Variants in TPRA1 observed in about 807,000 individuals in gnomAD.
TPRA1 encodes the protein transmembrane protein adipocyte-associated 1.
Under a neutral mutation model 40.1 loss-of-function variants are expected in TPRA1, and 28 were observed. That is an observed-to-expected ratio of 0.70 (90% CI 0.52 to 0.96). The LOEUF is 0.96. TPRA1 is among the 40% of genes least tolerant of loss of function. The pLI is 0.00. For missense variants in TPRA1, 441 were observed against 482.6 expected (o/e 0.91, Z 0.81); for synonymous variants, 219 against 209.7 (o/e 1.04, Z -0.38).
At chr3:127,597,599 C>T (rs2074257027) in intron 1 of TPRA1, among the ~76,000 whole-genome samples, 1 of 152,208 alleles carries the variant, frequency 6.6e-6, no homozygotes, top group South Asian at 2.1e-4. Flanking sequence ...CAGCTTTGCA[C>T]ATGGCATCCT....
chr3:127,584,220 A>T (rs2073926488), intron 1 of TPRA1, among the ~76,000 whole-genome samples: 1 of 151,236 alleles, frequency 6.6e-6, no homozygotes, highest in Non-Finnish European at 1.5e-5. Context: ...TGGGAGGATC[A>T]CTTGAGCCCA....
intron 1 of TPRA1, among the ~76,000 whole-genome samples, chr3:127,581,159 G>T (rs2073819098): frequency 6.6e-6 from 1 of 152,210 alleles, no homozygotes; most frequent in Admixed American, 6.5e-5. Context: ...GTGTGGCCTG[G>T]GGCACCAGAA....
At chr3:127,589,730 C>T (rs190192201) in intron 1 of TPRA1, among the ~76,000 whole-genome samples, 1 of 152,218 alleles carries the variant, frequency 6.6e-6, no homozygotes, top group Admixed American at 6.5e-5. Flanking sequence ...CTCCAGCGCC[C>T]GAGCCGCGTC....
intron 1 of TPRA1, among the ~76,000 whole-genome samples, chr3:127,586,767 A>G (rs2074014216): frequency 6.6e-6 from 1 of 152,220 alleles, no homozygotes. Context: ...CAAGACGGGC[A>G]GGGCCAGGGT....
upstream of TPRA1, among the ~76,000 whole-genome samples, chr3:127,591,593 G>C (rs2074170920): frequency 6.6e-6 from 1 of 152,170 alleles, no homozygotes; most frequent in African/African-American, 2.4e-5. Context: ...CTCTACACCT[G>C]TTCCCCCGCA....
chr3:127,579,824 G>A lies in TPRA1; in HGVS notation c.174C>T (p.Leu58=). 6.2e-7 allele frequency: 1 copy of A among 1,614,086 alleles called. No homozygotes were observed. The highest frequency in any genetic ancestry group is 8.5e-7 in the Non-Finnish European group (1 of 1,180,030). Residue 58 remains leucine (L), a synonymous_variant, in exon 3 of 11, where the codon CTC becomes CTT. Coordinates refer to ENST00000355552, the MANE Select transcript of TPRA1 (RefSeq NM_001136053.4). The part of the protein sequence containing the change: ...LLLLIPNVLF[L]IFLLWKLPSA... ...ATGGAAGCTTCCAGAGCAGGAAGAT[G>A]AGGAAGAGCACATTGGGGATGAGCA...
At chr3:127,591,500 A>G (rs1057215435), upstream of TPRA1, among the ~76,000 whole-genome samples, 7 of 152,108 alleles carry the variant, frequency 4.6e-5, no homozygotes, top group African/African-American at 1.4e-4. Context: ...ATCCCCTGGC[A>G]TCGATGCTGC....
chr3:127,590,379 G>T (rs1335831197), intron 1 of TPRA1, 31 bp downstream of exon 1: 3 of 152,228 alleles, frequency 2.0e-5, no homozygotes, highest in Non-Finnish European at 4.4e-5. Context: ...CTCTAGCTGC[G>T]GCAGGAGACG....
At chr3:127,594,365 T>A (rs1488244204), upstream of TPRA1, among the ~76,000 whole-genome samples, 2 of 152,190 alleles carry the variant, frequency 1.3e-5, no homozygotes, top group Non-Finnish European at 2.9e-5. Context: ...ACTAGAGGCA[T>A]ACATGGTGGG....
At chr3:127,592,068 C>T (rs1157576386), upstream of TPRA1, 2 of 152,238 alleles carry the variant, frequency 1.3e-5, no homozygotes, top group African/African-American at 2.4e-5. Flanking sequence ...GCCAGAGAGG[C>T]TGGGCAATGC....
Position 127,576,762 on chromosome 3 carries a change from A to G in TPRA1, c.418+59T>C. ...GGTGACCACTCCAGAGTCAGCCCACAGCCAGGGAGGGGCAGGGGAGAGCAT... is the reference window on the plus strand; with the variant it reads ...GGTGACCACTCCAGAGTCAGCCCACGGCCAGGGAGGGGCAGGGGAGAGCAT... On this transcript the variant is annotated intron_variant, in intron 5 of 10. Coordinates refer to ENST00000355552, the MANE Select transcript of TPRA1 (RefSeq NM_001136053.4). The surrounding 1 kb of genome is among the most constrained non-coding windows in gnomAD (Gnocchi z 4.6). 1 of 1,612,390 alleles carries G rather than the reference A, an allele frequency of 6.2e-7. No homozygotes were observed. The highest frequency in any genetic ancestry group is 2.2e-5 in the East Asian group (1 of 44,834).
In TPRA1 at chr3:127,575,389, C is replaced by T. The variant is rs913969278; in HGVS notation, c.773+14G>A. ...ATGCCCCCACGAGGCAGACACCCTGCGGCCCCCACGCACCAGAGCCCCTCG... is the reference window on the plus strand; with the variant it reads ...ATGCCCCCACGAGGCAGACACCCTGTGGCCCCCACGCACCAGAGCCCCTCG... On this transcript the variant is annotated intron_variant, in intron 9 of 10. Transcript: ENST00000355552. 2 of 1,571,362 alleles carry T rather than the reference C, an allele frequency of 1.3e-6. No homozygotes were observed. The highest frequency in any genetic ancestry group is 1.7e-6 in the Non-Finnish European group (2 of 1,158,568).
chr3:127,578,134 T>C (rs978448588), intron 3 of TPRA1, among the ~76,000 whole-genome samples: 10 of 152,200 alleles, frequency 6.6e-5, no homozygotes, highest in African/African-American at 1.7e-4. Flanking sequence ...TGAGTCTCAG[T>C]TGGGTCTTCT....
chr3:127,582,227 G>A (rs1245922478), intron 1 of TPRA1, among the ~76,000 whole-genome samples: 1 of 152,204 alleles, frequency 6.6e-6, no homozygotes, highest in Non-Finnish European at 1.5e-5. Context: ...GGCTCAGGTT[G>A]CTCCAGTGGG....
rs2073448544 is a variant in TPRA1 at position 127,573,562 on chromosome 3, T to G, written c.1081A>C (p.Asn361His). The G allele has an allele frequency of 1.2e-6, 2 of 1,613,234 alleles. No homozygotes were observed. Among genetic ancestry groups the G allele is most frequent in the Non-Finnish European group, 8.5e-7 (1 of 1,180,006 alleles). Residue 361 changes from asparagine to histidine, a missense_variant, in exon 11 of 11, where the codon AAC becomes CAC. Asn to His is a moderately conservative substitution (Grantham distance 68). Transcript: ENST00000355552. ...ASMPCHTGSI[N>H]STDSERWKAI... Reference sequence around the variant, plus strand: ...TTCCAGCGCTCGCTGTCTGTGCTGTTGATGCTGCCAGTGTGGCAGGGCATG... The same window carrying G: ...TTCCAGCGCTCGCTGTCTGTGCTGTGGATGCTGCCAGTGTGGCAGGGCATG...
At chr3:127,583,705 T>C (rs1317002433) in intron 1 of TPRA1, among the ~76,000 whole-genome samples, 1 of 151,428 alleles carries the variant, frequency 6.6e-6, no homozygotes, top group Admixed American at 6.6e-5. Flanking sequence ...ATTGTCTTGC[T>C]CTGTCTCCAG....
At position 127,573,572 on chromosome 3, in the gene TPRA1, A is replaced by G. The variant is rs2073449305; in HGVS notation, c.1071T>C (p.Thr357=). The change falls in exon 11 of 11, where the codon ACT becomes ACC. Residue 357 remains threonine (T), a synonymous_variant. Transcript: ENST00000355552. ...LDDIASMPCH[T]GSINSTDSER... is the part of the protein sequence containing the mutation. ...CGCTGTCTGTGCTGTTGATGCTGCC[A>G]GTGTGGCAGGGCATGGAAGCGATGT... The G allele has an allele frequency of 3.7e-6, 6 of 1,613,314 alleles. No homozygotes were observed. Among genetic ancestry groups the G allele is most frequent in the Middle Eastern group, 3.3e-4 (2 of 6,052 alleles).
intron 3 of TPRA1, 66 bp downstream of exon 3, chr3:127,579,674 G>A: frequency 6.5e-7 from 1 of 1,547,304 alleles, no homozygotes; most frequent in Admixed American, 1.8e-5. Flanking sequence ...CATTATAGAA[G>A]CAGTTAATTC....
chr3:127,572,188 G>A lies in TPRA1; in HGVS notation c.*1333C>T, dbSNP rs1211530879. 6.6e-6 allele frequency among the ~76,000 whole-genome samples: 1 copy of A among 152,186 alleles called. No individual in the cohort carries two copies. Among genetic ancestry groups the A allele is most frequent in the Non-Finnish European group, 1.5e-5 (1 of 68,026 alleles). ...CCTGACACATTGGCCCCACAGACAT[G>A]AGCTGTGTTGGAGCTTGTGCCCTCG... On this transcript the variant is annotated 3_prime_UTR_variant, in exon 11 of 11. Coordinates refer to ENST00000355552, the MANE Select transcript of TPRA1 (RefSeq NM_001136053.4).
Sources: gnomAD v4.1 joint callset for allele counts (sites outside exome capture counted in the v4.1 genomes callset) on GRCh38, gnomAD v4.1.1 for gene constraint, Gnocchi (gnomAD v3.1) non-coding constraint, MANE v1.5 for transcripts, NCBI Gene and HGNC (gene_info 2026-07-23, HGNC 2026-07-21) for gene names.